The following SIPA1L1 variants were observed in gnomAD, a reference collection of about 807,000 sequenced individuals.
SIPA1L1 encodes signal-induced proliferation-associated 1-like protein 1.
A neutral mutation model predicts 162.7 loss-of-function variants in SIPA1L1; 26 were observed. The observed-to-expected ratio is 0.16, with a 90% CI of 0.12 to 0.22. The LOEUF (loss-of-function observed/expected upper bound fraction) is 0.22. Among genes scored for constraint, SIPA1L1 ranks in the 10% least tolerant of loss-of-function variants. The pLI is 1.00. For synonymous variants in SIPA1L1, 829 were observed against 837.4 expected (o/e 0.99, Z 0.17); for missense variants, 1,874 against 2,241.0 (o/e 0.84, Z 3.31).
chr14:71,571,026 C>T (rs1290399343), intron 4 of SIPA1L1, among the ~76,000 whole-genome samples: 2 of 152,172 alleles, frequency 1.3e-5, no homozygotes, highest in Non-Finnish European at 2.9e-5. Flanking sequence ...AACTCCTGAC[C>T]TCAGGTGACC....
chr14:71,652,349 G>A (rs1287890301), intron 8 of SIPA1L1, among the ~76,000 whole-genome samples: 20 of 152,128 alleles, frequency 1.3e-4, no homozygotes, highest in Admixed American at 1.3e-3. Flanking sequence ...TGTGTGCTGT[G>A]ATGTAATCTC....
intron 2 of SIPA1L1, among the ~76,000 whole-genome samples, chr14:71,506,938 A>G (rs1170867421): frequency 6.6e-6 from 1 of 151,312 alleles, no homozygotes; most frequent in Non-Finnish European, 1.5e-5. Flanking sequence ...TGCTGGGATT[A>G]CAGGCGTGAG....
At chr14:71,468,997 C>A (rs1159034906) in intron 2 of SIPA1L1, among the ~76,000 whole-genome samples, 1 of 152,188 alleles carries the variant, frequency 6.6e-6, no homozygotes. Context: ...AGCAAGTACT[C>A]CAGCCCAGTT....
intron 2 of SIPA1L1, among the ~76,000 whole-genome samples, chr14:71,337,394 C>G (rs575134223): frequency 2.0e-5 from 3 of 152,246 alleles, no homozygotes; most frequent in African/African-American, 7.2e-5. Context: ...ATACTTGAGA[C>G]TGGGTAATTT....
At chr14:71,655,143 G>A (rs1333108576) in intron 8 of SIPA1L1, among the ~76,000 whole-genome samples, 2 of 151,946 alleles carry the variant, frequency 1.3e-5, no homozygotes, top group East Asian at 1.9e-4. Flanking sequence ...TTTTGGACTC[G>A]CCAATGTCTG....
intron 4 of SIPA1L1, among the ~76,000 whole-genome samples, chr14:71,559,451 C>G (rs1159527136): frequency 6.6e-6 from 1 of 152,090 alleles, no homozygotes; most frequent in Non-Finnish European, 1.5e-5. Context: ...ATAGATTTTC[C>G]CCTGCCCAGT....
intron 7 of SIPA1L1, among the ~76,000 whole-genome samples, chr14:71,627,299 A>T (rs2040121192): frequency 6.6e-6 from 1 of 151,286 alleles, no homozygotes; most frequent in Admixed American, 6.6e-5. Context: ...GGGATGCACC[A>T]CCACTCCTGG....
intron 5 of SIPA1L1, among the ~76,000 whole-genome samples, chr14:71,597,621 G>T (rs191540526): frequency 1.5e-3 from 227 of 152,266 alleles, no homozygotes; most frequent in African/African-American, 5.2e-3. Context: ...CAGGCTGCAC[G>T]ATAGAAACCC....
chr14:71,386,121 A>G (rs2040302743), intron 2 of SIPA1L1, among the ~76,000 whole-genome samples: 1 of 152,164 alleles, frequency 6.6e-6, no homozygotes, highest in Admixed American at 6.5e-5. Flanking sequence ...TGGTGACTAT[A>G]TTAGTCAGGA....
intron 3 of SIPA1L1, among the ~76,000 whole-genome samples, chr14:71,518,387 A>G (rs1410294944): frequency 1.3e-5 from 2 of 152,196 alleles, no homozygotes; most frequent in South Asian, 2.1e-4. Context: ...ATTTCCCTCC[A>G]CATGCATAAA....
At chr14:71,404,134 G>C (rs955155663) in intron 2 of SIPA1L1, among the ~76,000 whole-genome samples, 1 of 152,120 alleles carries the variant, frequency 6.6e-6, no homozygotes, top group Non-Finnish European at 1.5e-5. Context: ...TGTAACTATA[G>C]TCAACTTTTT....
chr14:71,702,317 G>A lies in SIPA1L1; in HGVS notation c.3522-64G>A, dbSNP rs2082149216. The A allele has an allele frequency of 7.6e-6, 12 of 1,585,252 alleles. No individual in the cohort carries two copies. In the East Asian group the frequency reaches 2.7e-4, roughly 36 times the overall value. ...TTAAAATTTAGTTCATTACACCCAG[G>A]ACTGCCTTCCCCTCATGGGTAAGGT... On this transcript the variant is annotated intron_variant, in intron 14 of 23. Transcript: ENST00000381232.
chr14:71,558,694 G>GT (rs935979409), intron 4 of SIPA1L1, among the ~76,000 whole-genome samples: 6 of 151,974 alleles, frequency 3.9e-5, no homozygotes, highest in African/African-American at 1.2e-4. Context: ...TTTTGTTTTT[G>GT]TTTTTTTAGA....
chr14:71,524,214 C>G (rs965868981), intron 3 of SIPA1L1, among the ~76,000 whole-genome samples: 9 of 152,094 alleles, frequency 5.9e-5, no homozygotes, highest in Non-Finnish European at 1.2e-4. Context: ...TTCATTCTAG[C>G]CTTTCTCCTT....
intron 2 of SIPA1L1, among the ~76,000 whole-genome samples, chr14:71,440,704 G>A (rs1238874237): frequency 1.4e-5 from 2 of 147,518 alleles, no homozygotes. Flanking sequence ...AATCTGAAGT[G>A]AAGAGTATAT....
chr14:71,632,381 CA>C (rs1038451225), intron 7 of SIPA1L1, among the ~76,000 whole-genome samples: 2 of 151,552 alleles, frequency 1.3e-5, no homozygotes, highest in East Asian at 3.9e-4. Flanking sequence ...GCAAAAGGAC[CA>C]AAAAAAACAA....
intron 12 of SIPA1L1, among the ~76,000 whole-genome samples, chr14:71,682,882 A>T (rs2045934746): frequency 6.6e-6 from 1 of 152,238 alleles, no homozygotes; most frequent in South Asian, 2.1e-4. Context: ...AGCTGGGCAC[A>T]GTGGCTCATG....
At chr14:71,586,392 C>G (rs1186712448) in intron 4 of SIPA1L1, 1 of 152,178 alleles carries the variant, frequency 6.6e-6, no homozygotes, top group Non-Finnish European at 1.5e-5. Flanking sequence ...TGCTTGTTAC[C>G]ATTGAGTGGA....
intron 2 of SIPA1L1, among the ~76,000 whole-genome samples, chr14:71,413,473 C>T (rs2042548143): frequency 6.6e-6 from 1 of 152,208 alleles, no homozygotes; most frequent in South Asian, 2.1e-4. Context: ...TGCAGTGGCT[C>T]ACGCCTGTAA....
Sources: allele counts gnomAD v4.1 joint callset (sites outside exome capture counted in the v4.1 genomes callset), GRCh38; gene constraint gnomAD v4.1.1; transcripts MANE v1.5; gene names NCBI Gene and HGNC (gene_info 2026-07-23, HGNC 2026-07-21).